PARP8: variants seen among roughly 807,000 people sequenced by gnomAD.
PARP8 encodes the protein protein mono-ADP-ribosyltransferase PARP8.
Under a neutral mutation model 124.1 loss-of-function variants are expected in PARP8, and 51 were observed. That is an observed-to-expected ratio of 0.41 (90% CI 0.33 to 0.52). The LOEUF is 0.52. PARP8 is among the 20% of genes least tolerant of loss of function. PARP8 has a pLI of 0.21. For synonymous variants in PARP8, 391 were observed against 361.5 expected (o/e 1.08, Z -0.93); for missense variants, 860 against 1,018.9 (o/e 0.84, Z 2.12).
At position 50,667,046 on chromosome 5, in the gene PARP8, G is replaced by T. The variant is rs1219801748; in HGVS notation, c.-50G>T. The T allele has an allele frequency of 6.3e-7, 1 of 1,595,770 alleles. No homozygotes were observed. The highest frequency in any genetic ancestry group is 1.7e-5 in the Admixed American group (1 of 59,976). On this transcript the variant is annotated 5_prime_UTR_variant, in exon 1 of 26. Coordinates refer to ENST00000281631, the MANE Select transcript of PARP8 (RefSeq NM_024615.4). Reference sequence around the variant, plus strand: ...ACGAAAGCTGGAAGCGTGCGAGGGGGGTGGGGTGGGGTGGAAATAGCGGCT... The same window carrying T: ...ACGAAAGCTGGAAGCGTGCGAGGGGTGTGGGGTGGGGTGGAAATAGCGGCT...
chr5:50,738,020 G>T (rs1757649811), intron 2 of PARP8, among the ~76,000 whole-genome samples: 1 of 152,132 alleles, frequency 6.6e-6, no homozygotes, highest in African/African-American at 2.4e-5. Flanking sequence ...ATGGCTAACT[G>T]ATTTTAGTAA....
chr5:50,767,314 T>C (rs1230125450), intron 7 of PARP8, among the ~76,000 whole-genome samples: 1 of 152,214 alleles, frequency 6.6e-6, no homozygotes, highest in Non-Finnish European at 1.5e-5. Flanking sequence ...GATTGAATAT[T>C]TTGTAATCTC....
rs559402652 is a variant in PARP8, at chr5:50,689,980, A to G, written c.146+21855A>G. 7.9e-5 allele frequency among the ~76,000 whole-genome samples: 12 copies of G among 152,238 alleles called. No individual in the cohort carries two copies. The South Asian group carries it at 2.1e-3, about 26-fold the overall frequency. ...CCTACTCAACAGCTAAAGCTCTTTG[A>G]TCATCCATCTATTTCTGTTCTCTCA... On this transcript the variant is annotated intron_variant, in intron 2 of 25. Transcript: ENST00000281631.
chr5:50,815,064 T>C (rs1308146312), intron 14 of PARP8, among the ~76,000 whole-genome samples: 1 of 152,240 alleles, frequency 6.6e-6, no homozygotes, highest in South Asian at 2.1e-4. Flanking sequence ...ATATTTAAGC[T>C]CATTATTGTT....
intron 9 of PARP8, among the ~76,000 whole-genome samples, chr5:50,780,381 G>A (rs1740535031): frequency 6.6e-6 from 1 of 152,106 alleles, no homozygotes; most frequent in African/African-American, 2.4e-5. Flanking sequence ...TTTGTTTAGG[G>A]TTAGGAATGA....
At chr5:50,701,421 G>T (rs554466331) in intron 2 of PARP8, among the ~76,000 whole-genome samples, 1 of 152,000 alleles carries the variant, frequency 6.6e-6, no homozygotes, top group South Asian at 2.1e-4. Flanking sequence ...GGTTATCTGG[G>T]GATAAAGTTT....
rs760894186 is a variant in PARP8 at position 50,797,060 on chromosome 5, C to G, written c.1479+28C>G. ...ATGAGCCAAAACTCTATCCATTGTA[C>G]AAATATTTTAGTTCTTACGGGGTTT... On this transcript the variant is annotated intron_variant, in intron 13 of 25. Transcript: ENST00000281631. 3.1e-6 allele frequency: 5 copies of G among 1,611,364 alleles called. No homozygotes were observed. In the African/African-American group the frequency reaches 5.3e-5, roughly 17 times the overall value.
intron 14 of PARP8, among the ~76,000 whole-genome samples, chr5:50,814,037 G>A (rs1275048800): frequency 6.6e-6 from 1 of 152,052 alleles, no homozygotes; most frequent in Admixed American, 6.6e-5. Context: ...TACTTCCTCA[G>A]TAGTTGATAA....
chr5:50,750,980 G>T (rs1313621878), intron 3 of PARP8, among the ~76,000 whole-genome samples: 1 of 152,086 alleles, frequency 6.6e-6, no homozygotes, highest in Non-Finnish European at 1.5e-5. Context: ...GCATGTTTTT[G>T]ATGCTATGTT....
Position 50,709,926 on chromosome 5 carries a change from A to G in PARP8, c.147-40225A>G, listed in dbSNP as rs1321553193. On this transcript the variant is annotated intron_variant, in intron 2 of 25. Coordinates refer to ENST00000281631, the MANE Select transcript of PARP8 (RefSeq NM_024615.4). ...AGAATATGAGGTAGAAAGAGTGTAT[A>G]TATATATATATATATATATATATAT... 6.7e-3 allele frequency among the ~76,000 whole-genome samples: 159 copies of G among 23,852 alleles called. 3 individuals carry two copies. In the East Asian group the frequency reaches 0.13, roughly 19 times the overall value. 15.6% of individuals were successfully genotyped at this position (23,852 alleles called of 152,430 possible). A position where few individuals can be genotyped will look rare whatever the true frequency, so the allele number is the denominator to read the frequency against.
At chr5:50,685,313 G>T (rs1328920483) in intron 2 of PARP8, among the ~76,000 whole-genome samples, 1 of 152,328 alleles carries the variant, frequency 6.6e-6, no homozygotes, top group African/African-American at 2.4e-5. Flanking sequence ...TTTCTGGGTT[G>T]ATTGGTTTGG....
intron 7 of PARP8, among the ~76,000 whole-genome samples, chr5:50,768,886 T>G (rs1308262189): frequency 6.6e-6 from 1 of 152,046 alleles, no homozygotes; most frequent in Non-Finnish European, 1.5e-5. Flanking sequence ...CGGAAATGGG[T>G]TTGCATATAC....
chr5:50,716,361 G>A (rs904399811), intron 2 of PARP8, among the ~76,000 whole-genome samples: 5 of 152,160 alleles, frequency 3.3e-5, no homozygotes, highest in Admixed American at 2.0e-4. Flanking sequence ...TGGATTGGGC[G>A]GCTTCTCCTC....
intron 14 of PARP8, among the ~76,000 whole-genome samples, chr5:50,801,496 T>C (rs1743226858): frequency 1.3e-5 from 2 of 152,220 alleles, no homozygotes; most frequent in Admixed American, 1.3e-4. Context: ...GTGAGTAATT[T>C]ATTAGTATTC....
intron 2 of PARP8, among the ~76,000 whole-genome samples, chr5:50,719,066 A>G (rs1328307296): frequency 6.6e-6 from 1 of 151,942 alleles, no homozygotes; most frequent in African/African-American, 2.4e-5. Context: ...ATTATTAAGG[A>G]TGTTGAGCAT....
At chr5:50,727,901 G>A (rs1050639794) in intron 2 of PARP8, among the ~76,000 whole-genome samples, 2 of 152,092 alleles carry the variant, frequency 1.3e-5, no homozygotes, top group African/African-American at 4.8e-5. Flanking sequence ...ATTTATTTGG[G>A]TGATACTTTA....
intron 14 of PARP8, among the ~76,000 whole-genome samples, chr5:50,807,798 C>T (rs747780832): frequency 4.6e-5 from 7 of 152,070 alleles, no homozygotes; most frequent in Non-Finnish European, 7.4e-5. Flanking sequence ...TAGACTTTCT[C>T]ATTTCCCACA....
chr5:50,690,371 G>C (rs1162032914), intron 2 of PARP8, among the ~76,000 whole-genome samples: 1 of 152,168 alleles, frequency 6.6e-6, no homozygotes, highest in African/African-American at 2.4e-5. Flanking sequence ...GAGGAAGAGA[G>C]ATCCCTAGTG....
chr5:50,743,899 G>A (rs1488677877), intron 2 of PARP8, among the ~76,000 whole-genome samples: 1 of 152,118 alleles, frequency 6.6e-6, no homozygotes, highest in Non-Finnish European at 1.5e-5. Flanking sequence ...AATTCTTAAA[G>A]TGGGATCTAA....
Sources: gnomAD v4.1 joint callset for allele counts (sites outside exome capture counted in the v4.1 genomes callset) on GRCh38, gnomAD v4.1.1 for gene constraint, MANE v1.5 for transcripts, NCBI Gene and HGNC (gene_info 2026-07-23, HGNC 2026-07-21) for gene names.